Variants in ZSCAN20 observed in about 807,000 individuals in gnomAD.
The protein encoded by ZSCAN20 is zinc finger and SCAN domain containing 20, also known as zinc finger and SCAN domain-containing protein 20.
In ZSCAN20, 39 loss-of-function variants were observed where a neutral mutation model predicts 97.1. That is an observed-to-expected ratio of 0.40 (90% CI 0.31 to 0.52). The LOEUF (loss-of-function observed/expected upper bound fraction) is 0.52, where lower values mean the gene tolerates loss of function less well. ZSCAN20 is among the 20% of genes least tolerant of loss of function. The pLI, the probability that ZSCAN20 is intolerant of heterozygous loss-of-function variation, is 0.49. For missense variants in ZSCAN20, 1,115 were observed against 1,290.4 expected (o/e 0.86, Z 2.08); for synonymous variants, 456 against 467.3 (o/e 0.98, Z 0.31).
At chr1:33,489,258 C>A in intron 4 of ZSCAN20, 67 bp downstream of exon 4, 1 of 1,494,774 alleles carries the variant, frequency 6.7e-7, no homozygotes, top group Non-Finnish European at 9.2e-7. Flanking sequence ...CACAGTGTTC[C>A]TCCTCTCTCT....
intron 2 of ZSCAN20, among the ~76,000 whole-genome samples, chr1:33,487,930 G>A (rs1652433966): frequency 6.6e-6 from 1 of 152,052 alleles, no homozygotes; most frequent in Non-Finnish European, 1.5e-5. Flanking sequence ...AGAATTACAG[G>A]CATGAGCCAC....
chr1:33,495,579 C>A lies in ZSCAN20; in HGVS notation c.*103C>A. The A allele has an allele frequency of 9.0e-7, 1 of 1,115,006 alleles. No individual in the cohort carries two copies. Among genetic ancestry groups the A allele is most frequent in the Non-Finnish European group, 1.2e-6 (1 of 846,042 alleles). The allele number at this position is 1,115,006 out of a possible 1,614,324, so 69.1% of individuals were successfully genotyped here. A position where few individuals can be genotyped will look rare whatever the true frequency, so the allele number is the denominator to read the frequency against. Reference sequence around the variant, plus strand: ...TCCAATTTTTAAGCTTGGTGTGTACCCAGGGAAGTTATCTTGGTATAAACC... The same window carrying A: ...TCCAATTTTTAAGCTTGGTGTGTACACAGGGAAGTTATCTTGGTATAAACC... On this transcript the variant is annotated 3_prime_UTR_variant, in exon 8 of 8. Transcript: ENST00000684572.
chr1:33,493,385 G>A lies in ZSCAN20; in HGVS notation c.1643G>A (p.Arg548Gln), dbSNP rs369173719. ...YRFKNLLRSY[R>Q]KAKSSHPPGT... Reference sequence around the variant, plus strand: ...TTCAAAAACCTCCTTCGAAGCTACCGGAAAGCCAAGAGCAGCCACCCACCA... The same window carrying A: ...TTCAAAAACCTCCTTCGAAGCTACCAGAAAGCCAAGAGCAGCCACCCACCA... Residue 548 changes from arginine to glutamine, a missense_variant, in exon 7 of 8, where the codon CGG becomes CAG. This residue lies in a region of ZSCAN20 where 53 missense variants were observed against 94.3 expected (regional missense o/e 0.56). Coordinates refer to ENST00000684572, the MANE Select transcript of ZSCAN20 (RefSeq NM_001377376.1). This position sits in a 1 kb window ranked among gnomAD's most constrained non-coding sequence, Gnocchi z 4.3. 6.8e-6 allele frequency: 11 copies of A among 1,614,068 alleles called. No homozygotes were observed. The highest frequency in any genetic ancestry group is 5.3e-5 in the African/African-American group (4 of 74,928).
At chr1:33,489,330 C>A in intron 4 of ZSCAN20, 139 bp downstream of exon 4, 1 of 1,075,058 alleles carries the variant, frequency 9.3e-7, no homozygotes, top group Non-Finnish European at 1.4e-6. Context: ...CCCTTCACCC[C>A]CAGCCTGCTG....
At chr1:33,487,251 C>T (rs1049008924) in intron 2 of ZSCAN20, among the ~76,000 whole-genome samples, 1 of 152,052 alleles carries the variant, frequency 6.6e-6, no homozygotes, top group African/African-American at 2.4e-5. Context: ...GTTTTTAAAC[C>T]ATGTGAGTCT....
Position 33,493,194 on chromosome 1 carries a change from G to T in ZSCAN20, c.1452G>T (p.Val484=). 6.2e-7 allele frequency: 1 copy of T among 1,613,712 alleles called. No homozygotes were observed. Among genetic ancestry groups the T allele is most frequent in the Non-Finnish European group, 8.5e-7 (1 of 1,179,644 alleles). Residue 484 remains valine, a synonymous_variant, in exon 7 of 8, where the codon GTG becomes GTT. Coordinates refer to ENST00000684572, the MANE Select transcript of ZSCAN20 (RefSeq NM_001377376.1). The surrounding 1 kb of genome is among the most constrained non-coding windows in gnomAD (Gnocchi z 4.3). Reference sequence around the variant, plus strand: ...ACTCTTCACTCCTGACAGCAGGTGTGCACTGGGGCTATGAGGAGACCAAGG... The same window carrying T: ...ACTCTTCACTCCTGACAGCAGGTGTTCACTGGGGCTATGAGGAGACCAAGG... ...PALFQSRIAG[V]HWGYEETKAF...
At chr1:33,492,361 C>G (rs1287880565) in intron 6 of ZSCAN20, 1 of 152,234 alleles carries the variant, frequency 6.6e-6, no homozygotes, top group African/African-American at 2.4e-5. Flanking sequence ...TAGACCACCT[C>G]CTTTTCATTC....
chr1:33,473,253 C>CCTA (rs1266545330), intron 1 of ZSCAN20, among the ~76,000 whole-genome samples: 2 of 152,168 alleles, frequency 1.3e-5, no homozygotes, highest in East Asian at 3.8e-4. Context: ...TACCTACCTA[C>CCTA]CTACTTACCC....
In ZSCAN20 at chr1:33,491,993, G is replaced by A. The variant is rs189757224; in HGVS notation, c.1444+291G>A. 13 of 295,504 alleles carry A rather than the reference G, an allele frequency of 4.4e-5. No homozygotes were observed. The highest frequency in any genetic ancestry group is 1.4e-4 in the South Asian group (1 of 7,368). The allele number at this position is 295,504 out of a possible 1,614,324, so 18.3% of individuals were successfully genotyped here. The stretch of plus-strand genomic sequence containing the variant: ...CTGGTAGTATGGGATGATCATCGAC[G>A]TTACATGAATGAACTTTAAATTCTT... On this transcript the variant is annotated intron_variant, in intron 6 of 7. Transcript: ENST00000684572. This position sits in a 1 kb window ranked among gnomAD's most constrained non-coding sequence, Gnocchi z 4.3.
rs1285258209 is a variant in ZSCAN20 at position 33,500,714 on chromosome 1, T to C, written c.*5238T>C. 6.6e-6 allele frequency among the ~76,000 whole-genome samples: 1 copy of C among 151,530 alleles called. No individual in the cohort carries two copies. The highest frequency in any genetic ancestry group is 1.5e-5 in the Non-Finnish European group (1 of 67,928). On this transcript the variant is annotated 3_prime_UTR_variant, in exon 8 of 8. Transcript: ENST00000684572. ...TTGTAGAAAAATATCCCATAAAAAT[T>C]GTGCCCCCTAGAGGGCGAGGGCCAC...
At chr1:33,476,231 A>T (rs1043249735) in intron 1 of ZSCAN20, among the ~76,000 whole-genome samples, 1 of 152,120 alleles carries the variant, frequency 6.6e-6, no homozygotes, top group African/African-American at 2.4e-5. Flanking sequence ...GTGTGAAGTC[A>T]CCCGGCTGTT....
chr1:33,474,912 C>A (rs1254506813), intron 1 of ZSCAN20, among the ~76,000 whole-genome samples: 2 of 152,234 alleles, frequency 1.3e-5, no homozygotes, highest in African/African-American at 4.8e-5. Context: ...AGTCTCCCTT[C>A]TCCCTTGCTC....
In ZSCAN20 at chr1:33,497,566, C is replaced by T. The variant is rs1652919127; in HGVS notation, c.*2090C>T. 6.6e-6 allele frequency among the ~76,000 whole-genome samples: 1 copy of T among 152,126 alleles called. No homozygotes were observed. Among genetic ancestry groups the T allele is most frequent in the Non-Finnish European group, 1.5e-5 (1 of 68,034 alleles). On this transcript the variant is annotated 3_prime_UTR_variant, in exon 8 of 8. Coordinates refer to ENST00000684572, the MANE Select transcript of ZSCAN20 (RefSeq NM_001377376.1). ...CTCACATGTGAATGGAGTGTCAACA[C>T]CAGGCCCGGGGCAATGTTCAGATGT...
chr1:33,494,401 A>G lies in ZSCAN20; in HGVS notation c.2057A>G (p.Gln686Arg), dbSNP rs1210497182. Reference protein sequence around the residue: ...QWGNPSQEQWQESSSEEDLEK... With the variant: ...QWGNPSQEQWRESSSEEDLEK... The stretch of plus-strand genomic sequence containing the variant: ...GGAAATCCCTCACAGGAACAGTGGC[A>G]AGAAAGTTCTTCTGAAGAGGACTTA... The change falls in exon 8 of 8, where the codon CAA becomes CGA. Residue 686 changes from glutamine (Q) to arginine (R), a missense_variant. Gln to Arg is a conservative substitution (Grantham distance 43). Coordinates refer to ENST00000684572, the MANE Select transcript of ZSCAN20 (RefSeq NM_001377376.1). The G allele has an allele frequency of 5.0e-6, 8 of 1,613,964 alleles. No individual in the cohort carries two copies. In the East Asian group the frequency reaches 1.8e-4, roughly 36 times the overall value.
At chr1:33,477,444 C>A (rs956677014) in intron 1 of ZSCAN20, among the ~76,000 whole-genome samples, 2 of 151,898 alleles carry the variant, frequency 1.3e-5, no homozygotes, top group Non-Finnish European at 2.9e-5. Flanking sequence ...GTCACCCAGA[C>A]TTGTTGGGAT....
At chr1:33,477,360 C>T (rs1045488170) in intron 1 of ZSCAN20, among the ~76,000 whole-genome samples, 1 of 152,106 alleles carries the variant, frequency 6.6e-6, no homozygotes, top group Non-Finnish European at 1.5e-5. Flanking sequence ...ACCACCATCT[C>T]TCCATTCTCA....
rs1652931579 is a variant in ZSCAN20, at chr1:33,497,912, A to C, written c.*2436A>C. On this transcript the variant is annotated 3_prime_UTR_variant, in exon 8 of 8. Coordinates refer to ENST00000684572, the MANE Select transcript of ZSCAN20 (RefSeq NM_001377376.1). ...CTAGAACTTGAGGTGCTTAAGGGAA[A>C]TCATGGTGATGCTATGCATTTGGAT... is the stretch of plus-strand genomic sequence containing the variant. 6.6e-6 allele frequency among the ~76,000 whole-genome samples: 1 copy of C among 152,160 alleles called. No homozygotes were observed. The highest frequency in any genetic ancestry group is 2.4e-5 in the African/African-American group (1 of 41,426).
At chr1:33,486,738 A>G (rs1162080779) in intron 2 of ZSCAN20, among the ~76,000 whole-genome samples, 12 of 152,256 alleles carry the variant, frequency 7.9e-5, no homozygotes. Flanking sequence ...GTTCCTCTGT[A>G]GGTTATAATG....
intron 4 of ZSCAN20, 149 bp from the exon 5 acceptor site, chr1:33,489,369 G>A: frequency 1.0e-6 from 1 of 983,028 alleles, no homozygotes; most frequent in Non-Finnish European, 1.5e-6. Context: ...ACACATGTAT[G>A]TACCAAATGG....
Sources: allele counts gnomAD v4.1 joint callset (sites outside exome capture counted in the v4.1 genomes callset), GRCh38; gene constraint gnomAD v4.1.1; regional missense constraint gnomAD v4.1.1; non-coding constraint Gnocchi (gnomAD v3.1); transcripts MANE v1.5; gene names NCBI Gene and HGNC (gene_info 2026-07-23, HGNC 2026-07-21).